The following KDM8 variants were observed in gnomAD, a reference collection of about 807,000 sequenced individuals.
KDM8 encodes bifunctional peptidase and arginyl-hydroxylase JMJD5.
Under a neutral mutation model 46.9 loss-of-function variants are expected in KDM8, and 35 were observed. The ratio of observed to expected loss-of-function variants is 0.75; its 90% CI spans 0.57 to 0.99. KDM8 has a LOEUF of 0.99. KDM8 is among the 50% of genes least tolerant of loss of function. The pLI is 0.00. For missense variants in KDM8, 475 were observed against 537.0 expected (o/e 0.88, Z 1.14); for synonymous variants, 232 against 227.7 (o/e 1.02, Z -0.17).
chr16:27,215,054 G>T, intron 4 of KDM8, 46 bp downstream of exon 4: 1 of 1,601,940 alleles, frequency 6.2e-7, no homozygotes. Flanking sequence ...AAGGCAGAGA[G>T]CATAGTACAT....
chr16:27,220,309 T>C, intron 6 of KDM8, 84 bp from the exon 7 acceptor site: 1 of 1,107,380 alleles, frequency 9.0e-7, no homozygotes, highest in Non-Finnish European at 1.4e-6. Context: ...GGGAGCAGCA[T>C]GTGGAAGGGC....
intron 5 of KDM8, among the ~76,000 whole-genome samples, chr16:27,217,263 C>T (rs1244684006): frequency 1.3e-5 from 2 of 152,176 alleles, no homozygotes; most frequent in African/African-American, 2.4e-5. Context: ...TCCCAGGGAC[C>T]CCGTGTTCTA....
At chr16:27,211,121 CTTTTTT>C (rs370003010) in intron 2 of KDM8, 38 of 403,840 alleles carry the variant, frequency 9.4e-5, no homozygotes, top group Middle Eastern at 4.0e-4. Flanking sequence ...CATTTTCTCT[CTTTTTT>C]TTTTTTTTTT....
At chr16:27,208,230 C>T (rs983508537) in intron 1 of KDM8, among the ~76,000 whole-genome samples, 1 of 152,242 alleles carries the variant, frequency 6.6e-6, no homozygotes, top group African/African-American at 2.4e-5. Context: ...GATAGGCCGC[C>T]TATGAAGACC....
intron 1 of KDM8, among the ~76,000 whole-genome samples, chr16:27,208,052 G>A (rs1012087135): frequency 5.3e-5 from 8 of 152,220 alleles, no homozygotes; most frequent in South Asian, 2.1e-4. Context: ...TGATAAGGCC[G>A]TTCATTGAAG....
chr16:27,212,123 A>T (rs758785317), intron 2 of KDM8, among the ~76,000 whole-genome samples: 3 of 152,234 alleles, frequency 2.0e-5, no homozygotes, highest in Non-Finnish European at 4.4e-5. Context: ...ATAGGGAAAA[A>T]ATCTTGAGCC....
intron 3 of KDM8, 54 bp from the exon 4 acceptor site, chr16:27,214,822 A>T (rs750126061): frequency 3.1e-6 from 5 of 1,600,866 alleles, no homozygotes; most frequent in Non-Finnish European, 4.3e-6. Context: ...CACACTTAGT[A>T]CTATGCCCAA....
In KDM8 at chr16:27,208,448, G is replaced by T. The variant is rs2140963233; in HGVS notation, c.-31-1645G>T. Among the ~76,000 whole-genome samples the T allele has an allele frequency of 2.0e-5, 3 of 152,324 alleles. No individual in the cohort carries two copies. The South Asian group carries it at 6.2e-4, about 32-fold the overall frequency. ...CTGCATTGCAGAGAACAGGTTTATA[G>T]CCCATTTGAAACCCTCTGGGAGGCT... On this transcript the variant is annotated intron_variant, in intron 1 of 7. Coordinates refer to ENST00000286096, the MANE Select transcript of KDM8 (RefSeq NM_024773.3).
At chr16:27,216,307 G>A (rs2083552211) in intron 5 of KDM8, among the ~76,000 whole-genome samples, 1 of 152,074 alleles carries the variant, frequency 6.6e-6, no homozygotes, top group Admixed American at 6.6e-5. Flanking sequence ...TTCAAGACCG[G>A]TGTGAACCAC....
intron 3 of KDM8, chr16:27,214,524 G>A (rs769919326): frequency 4.0e-6 from 1 of 250,514 alleles, no homozygotes; most frequent in Non-Finnish European, 8.1e-6. Context: ...CCAGGAGACT[G>A]CCACCTGCCA....
chr16:27,213,063 G>T lies in KDM8; in HGVS notation c.499-522G>T, dbSNP rs559306569. ...AGTAACTTACTCAGGTCACCCAGCT[G>T]GGAGATGGTTAAGGAAATGATGGTG... On this transcript the variant is annotated intron_variant, in intron 2 of 7. Coordinates refer to ENST00000286096, the MANE Select transcript of KDM8 (RefSeq NM_024773.3). Among the ~76,000 whole-genome samples the T allele has an allele frequency of 8.5e-5, 13 of 152,326 alleles. No homozygotes were observed. The South Asian group carries it at 2.7e-3, about 32-fold the overall frequency.
chr16:27,210,409 G>A lies in KDM8; in HGVS notation c.286G>A (p.Ala96Thr), dbSNP rs776625581. The A allele has an allele frequency of 9.3e-6, 15 of 1,608,614 alleles. No individual in the cohort carries two copies. The highest frequency in any genetic ancestry group is 4.5e-5 in the East Asian group (2 of 44,746). Reference sequence around the variant, plus strand: ...AGACAAAGACTGGCGCCGGGTCTACGCCATCGGCTGCCTCCTGAAAGCCCT... The same window carrying A: ...AGACAAAGACTGGCGCCGGGTCTACACCATCGGCTGCCTCCTGAAAGCCCT... ...DVDKDWRRVYAIGCLLKALCL... is the reference protein window; with the variant it reads ...DVDKDWRRVYTIGCLLKALCL... Residue 96 changes from alanine to threonine, a missense_variant, in exon 2 of 8, where the codon GCC (alanine) becomes ACC (threonine). Ala to Thr is a moderately conservative substitution (Grantham distance 58). Transcript: ENST00000286096.
intron 5 of KDM8, among the ~76,000 whole-genome samples, chr16:27,218,253 G>T (rs1345817374): frequency 1.3e-5 from 2 of 151,926 alleles, no homozygotes; most frequent in Non-Finnish European, 2.9e-5. Context: ...CTGCACTCCG[G>T]ACTGGGTGAC....
At chr16:27,217,933 G>A (rs547622036) in intron 5 of KDM8, among the ~76,000 whole-genome samples, 25 of 152,112 alleles carry the variant, frequency 1.6e-4, no homozygotes, top group African/African-American at 5.3e-4. Context: ...GTTCAACCCC[G>A]GAGGTAACTG....
At chr16:27,211,486 C>G (rs2083484544) in intron 2 of KDM8, 1 of 248,302 alleles carries the variant, frequency 4.0e-6, no homozygotes, top group Non-Finnish European at 8.2e-6. Flanking sequence ...ACAGGCCTCA[C>G]TTGCAACACA....
At chr16:27,209,163 C>T (rs930362662) in intron 1 of KDM8, among the ~76,000 whole-genome samples, 1 of 152,252 alleles carries the variant, frequency 6.6e-6, no homozygotes, top group Non-Finnish European at 1.5e-5. Flanking sequence ...GTGCTGAGAT[C>T]AGCCAGAATT....
At chr16:27,206,968 T>C (rs1465915295) in intron 1 of KDM8, among the ~76,000 whole-genome samples, 2 of 152,258 alleles carry the variant, frequency 1.3e-5, no homozygotes, top group Non-Finnish European at 2.9e-5. Flanking sequence ...AATGTGAGGC[T>C]GCTCCCAGCG....
Position 27,215,992 on chromosome 16 carries a change from A to G in KDM8, c.843+3A>G. The G allele has an allele frequency of 6.2e-7, 1 of 1,614,106 alleles. No individual in the cohort carries two copies. The highest frequency in any genetic ancestry group is 8.5e-7 in the Non-Finnish European group (1 of 1,179,978). On this transcript the variant is annotated splice_donor_region_variant and intron_variant, in intron 5 of 7. Transcript: ENST00000286096. Reference sequence around the variant, plus strand: ...CTCAGCACCAGCTCTTTGACCAGGTAAGTCTGAGGCCACGCACCTCTGCCC... The same window carrying G: ...CTCAGCACCAGCTCTTTGACCAGGTGAGTCTGAGGCCACGCACCTCTGCCC...
In KDM8 at chr16:27,217,573, G is replaced by A. The variant is rs540943560; in HGVS notation, c.844-1388G>A. ...TACTTCAGTCCTAAGCAGCAGGCGC[G>A]GCTGCGTTTCTGCACAGCTGATTTG... On this transcript the variant is annotated intron_variant, in intron 5 of 7. Coordinates refer to ENST00000286096, the MANE Select transcript of KDM8 (RefSeq NM_024773.3). Among the ~76,000 whole-genome samples the A allele has an allele frequency of 7.2e-5, 11 of 152,314 alleles. No homozygotes were observed. The East Asian group carries it at 1.5e-3, about 21-fold the overall frequency.
Sources: allele counts gnomAD v4.1 joint callset (sites outside exome capture counted in the v4.1 genomes callset), GRCh38; gene constraint gnomAD v4.1.1; transcripts MANE v1.5; gene names NCBI Gene and HGNC (gene_info 2026-07-23, HGNC 2026-07-21).